CPM: variants seen among roughly 807,000 people sequenced by gnomAD.
The protein encoded by CPM is carboxypeptidase M.
Under a neutral mutation model 46.4 loss-of-function variants are expected in CPM, and 35 were observed. That is an observed-to-expected ratio of 0.75 (90% CI 0.58 to 1.00). The LOEUF (loss-of-function observed/expected upper bound fraction) is 1.00, where lower values mean the gene tolerates loss of function less well. CPM is among the 50% of genes least tolerant of loss of function. The pLI, the probability that CPM is intolerant of heterozygous loss-of-function variation, is 0.00. For missense variants in CPM, 422 were observed against 530.4 expected, an observed-to-expected ratio of 0.80 and a Z score of 2.01; for synonymous variants, 195 against 195.3, an observed-to-expected ratio of 1.00 and a Z score of 0.01.
At chr12:68,877,280 T>G (rs1886000775) in intron 3 of CPM, among the ~76,000 whole-genome samples, 1 of 152,200 alleles carries the variant, frequency 6.6e-6, no homozygotes, top group Non-Finnish European at 1.5e-5. Context: ...CTTCACGGTT[T>G]TTCTCTGTAT....
rs557393429 is a variant in CPM at position 68,890,495 on chromosome 12, G to A, written c.161-4606C>T. On this transcript the variant is annotated intron_variant, in intron 2 of 8. Coordinates refer to ENST00000551568, the MANE Select transcript of CPM (RefSeq NM_198320.5). ...TGTGTGATAGCCACAATGCATAGTT[G>A]AGGAAACTTAAGTGGCAGAAACAGG... Among the ~76,000 whole-genome samples the A allele has an allele frequency of 1.2e-4, 18 of 152,302 alleles. 1 individual carries two copies. The South Asian group carries it at 3.7e-3, about 32-fold the overall frequency.
intron 1 of CPM, among the ~76,000 whole-genome samples, chr12:68,959,081 G>A (rs540108554): frequency 5.9e-5 from 9 of 152,072 alleles, no homozygotes; most frequent in Admixed American, 1.3e-4. Context: ...TCTTATCTTC[G>A]TCATACCATT....
At chr12:68,910,736 ATCATT>A (rs1887560521) in intron 2 of CPM, among the ~76,000 whole-genome samples, 1 of 152,184 alleles carries the variant, frequency 6.6e-6, no homozygotes, top group South Asian at 2.1e-4. Flanking sequence ...AGATGACTGT[ATCATT>A]TCATTTTTTT....
intron 2 of CPM, among the ~76,000 whole-genome samples, chr12:68,920,443 G>A (rs1269722865): frequency 6.6e-6 from 1 of 152,106 alleles, no homozygotes; most frequent in African/African-American, 2.4e-5. Context: ...GCTCAACTGA[G>A]TCACCAACAA....
intron 7 of CPM, among the ~76,000 whole-genome samples, chr12:68,860,677 C>G (rs1388132106): frequency 6.6e-6 from 1 of 152,030 alleles, no homozygotes; most frequent in East Asian, 1.9e-4. Flanking sequence ...AGCGTGTACC[C>G]ATCATCATAG....
At chr12:68,939,919 A>C (rs1888734841) in intron 1 of CPM, among the ~76,000 whole-genome samples, 1 of 152,104 alleles carries the variant, frequency 6.6e-6, no homozygotes, top group Non-Finnish European at 1.5e-5. Context: ...TCATAGTCTT[A>C]TTGAACATTT....
intron 2 of CPM, among the ~76,000 whole-genome samples, chr12:68,888,423 C>T (rs1886523281): frequency 6.6e-6 from 1 of 152,162 alleles, no homozygotes. Context: ...ACCTCAGTGA[C>T]ACAGTCTGAG....
At chr12:68,958,232 G>T (rs1889056939) in intron 1 of CPM, among the ~76,000 whole-genome samples, 1 of 152,100 alleles carries the variant, frequency 6.6e-6, no homozygotes, top group African/African-American at 2.4e-5. Flanking sequence ...GGGTCAAATG[G>T]TACTTCTAGT....
At chr12:68,957,828 C>G (rs560346752) in intron 1 of CPM, 3 of 152,200 alleles carry the variant, frequency 2.0e-5, no homozygotes, top group South Asian at 2.1e-4. Context: ...TCTCCTAATG[C>G]TGTCCCTCCC....
upstream of CPM, among the ~76,000 whole-genome samples, chr12:68,937,139 A>C (rs1888685995): frequency 6.6e-6 from 1 of 152,252 alleles, no homozygotes; most frequent in African/African-American, 2.4e-5. Flanking sequence ...CTGGGAATAG[A>C]CATCAAAATT....
downstream of CPM, chr12:68,846,447 A>T (rs957400517): frequency 6.6e-6 from 1 of 152,092 alleles, no homozygotes; most frequent in Non-Finnish European, 1.5e-5. Flanking sequence ...TTTATTTCTC[A>T]GGGTTAAATT....
chr12:68,850,101 A>G (rs1030956307), downstream of CPM: 1 of 152,150 alleles, frequency 6.6e-6, no homozygotes, highest in African/African-American at 2.4e-5. Context: ...CCTGGGCAAC[A>G]TGGTGCAACC....
Position 68,843,256 on chromosome 12 carries a change from C to T in CPM, c.534-927G>A, listed in dbSNP as rs369844238. ...TGAACTCCAAATAATGCTTTGAGGA[C>T]CTCCAAAGGTAAAAGTACTAATCCC... On this transcript the variant is annotated intron_variant, in intron 5 of 5. Transcript: ENST00000551897. 111 of 226,786 alleles carry T rather than the reference C, an allele frequency of 4.9e-4. No homozygotes were observed. The South Asian group carries it at 7.1e-3, about 15-fold the overall frequency. 14.0% of individuals were successfully genotyped at this position (226,786 alleles called of 1,614,324 possible).
At chr12:68,919,340 G>A (rs1176103069) in intron 2 of CPM, among the ~76,000 whole-genome samples, 1 of 152,174 alleles carries the variant, frequency 6.6e-6, no homozygotes, top group Admixed American at 6.5e-5. Context: ...TTGCTTCATA[G>A]CAATGATCAA....
chr12:68,896,513 C>G (rs1308141737), intron 2 of CPM, among the ~76,000 whole-genome samples: 1 of 152,144 alleles, frequency 6.6e-6, no homozygotes, highest in Non-Finnish European at 1.5e-5. Flanking sequence ...AGGAAGCTCA[C>G]TTGGAGTCCG....
chr12:68,910,572 T>C (rs1414829723), intron 2 of CPM, among the ~76,000 whole-genome samples: 2 of 152,202 alleles, frequency 1.3e-5, no homozygotes, highest in African/African-American at 4.8e-5. Flanking sequence ...AAAATATCTT[T>C]ATTGAGACAT....
intron 2 of CPM, among the ~76,000 whole-genome samples, chr12:68,912,919 G>A (rs1401036481): frequency 6.6e-6 from 1 of 152,148 alleles, no homozygotes; most frequent in Admixed American, 6.6e-5. Context: ...CCAACACACA[G>A]GGAAAAGCCT....
downstream of CPM, chr12:68,847,598 C>T (rs1182796226): frequency 4.0e-5 from 6 of 151,222 alleles, no homozygotes; most frequent in African/African-American, 1.5e-4. Context: ...GGACTACAGG[C>T]GCCCGCCACC....
At chr12:68,870,126 G>T in intron 5 of CPM, 89 bp downstream of exon 5, 1 of 1,313,386 alleles carries the variant, frequency 7.6e-7, no homozygotes, top group Non-Finnish European at 1.0e-6. Context: ...GTTAAGAGGG[G>T]AAGGGAGAGC....
Sources: allele counts gnomAD v4.1 joint callset (sites outside exome capture counted in the v4.1 genomes callset), GRCh38; gene constraint gnomAD v4.1.1; transcripts MANE v1.5; gene names NCBI Gene and HGNC (gene_info 2026-07-23, HGNC 2026-07-21).